Variants in SLC19A1 observed in about 807,000 individuals in gnomAD.
SLC19A1 encodes the protein reduced folate transporter.
SLC19A1 carries 37 observed loss-of-function variants against 35.3 expected under a neutral mutation model. That is an observed-to-expected ratio of 1.05 (90% CI 0.81 to 1.38). The LOEUF is 1.38. Ranked by LOEUF, SLC19A1 falls within the 40% of genes most tolerant of loss-of-function variation. The pLI is 0.00. For synonymous variants in SLC19A1, 460 were observed against 398.5 expected, an observed-to-expected ratio of 1.15 and a Z score of -1.84; for missense variants, 831 against 826.9, an observed-to-expected ratio of 1.00 and a Z score of -0.06.
At chr21:45,507,288 C>A in intron 3 of SLC19A1, 2 of 516,848 alleles carry the variant, frequency 3.9e-6, no homozygotes, top group Non-Finnish European at 6.9e-6. Flanking sequence ...ACTGGGAGGG[C>A]CGGGTGCTGG....
intron 4 of SLC19A1, among the ~76,000 whole-genome samples, chr21:45,528,552 C>G (rs765962043): frequency 3.3e-5 from 5 of 152,092 alleles, no homozygotes; most frequent in Non-Finnish European, 5.9e-5. Context: ...GGAGGAAGCC[C>G]GCATGCCGGC....
At chr21:45,557,213 A>G (rs1014086305) in intron 1 of SLC19A1, among the ~76,000 whole-genome samples, 16 of 152,238 alleles carry the variant, frequency 1.1e-4, no homozygotes, top group Non-Finnish European at 2.9e-5. Flanking sequence ...GGCAGCAGGA[A>G]GGGATTTGAG....
At position 45,526,027 on chromosome 21, in the gene SLC19A1, C is replaced by T. The variant is rs1026753451; in HGVS notation, c.1152-69G>A. 4 of 1,548,878 alleles carry T rather than the reference C, an allele frequency of 2.6e-6. 1 individual carries two copies. Among genetic ancestry groups the T allele is most frequent in the Middle Eastern group, 3.5e-4 (2 of 5,794 alleles). ...AGCAGCAGCCACAGGGAAAAGCCTG[C>T]AGCCCGGCTCCCACCAGCCCATGAC... On this transcript the variant is annotated intron_variant, in intron 4 of 5. Transcript: ENST00000311124.
rs1017062902 is a variant in SLC19A1 at position 45,540,738 on chromosome 21, C to T, written c.-50+1630G>A. Reference sequence around the variant, plus strand: ...AGTCCCATACAGCTTGAGGCCTCTTCCCGGCATCTGAAGGAAGTCCCCGAC... The same window carrying T: ...AGTCCCATACAGCTTGAGGCCTCTTTCCGGCATCTGAAGGAAGTCCCCGAC... On this transcript the variant is annotated intron_variant, in intron 1 of 5. Coordinates refer to ENST00000311124, the MANE Select transcript of SLC19A1 (RefSeq NM_194255.4). This position sits in a 1 kb window ranked among gnomAD's most constrained non-coding sequence, Gnocchi z 5.5. Among the ~76,000 whole-genome samples, 1 of 152,170 alleles carries T rather than the reference C, an allele frequency of 6.6e-6. No individual in the cohort carries two copies. The highest frequency in any genetic ancestry group is 2.4e-5 in the African/African-American group (1 of 41,444).
downstream of SLC19A1, among the ~76,000 whole-genome samples, chr21:45,509,169 C>T (rs955983667): frequency 3.3e-5 from 5 of 152,060 alleles, no homozygotes; most frequent in Admixed American, 6.5e-5. Context: ...TCCGGCGCCA[C>T]GGCAGGCAGG....
At chr21:45,558,540 C>T (rs1465057464) in intron 1 of SLC19A1, among the ~76,000 whole-genome samples, 1 of 152,184 alleles carries the variant, frequency 6.6e-6, no homozygotes, top group African/African-American at 2.4e-5. Flanking sequence ...GGTGTTTCTT[C>T]TTCGTATGTG....
chr21:45,543,288 C>T (rs1033443471), upstream of SLC19A1, among the ~76,000 whole-genome samples: 106 of 152,210 alleles, frequency 7.0e-4, 1 homozygote, highest in African/African-American at 2.0e-3. Context: ...GCCTCAGGGT[C>T]ACTTTCCCCT....
intron 5 of SLC19A1, among the ~76,000 whole-genome samples, chr21:45,519,246 C>A (rs1260372863): frequency 3.3e-5 from 5 of 151,806 alleles, no homozygotes. Flanking sequence ...TACAAGTAAC[C>A]CACTGGAAGC....
chr21:45,562,921 T>C (rs2078628231), exon 1 of SLC19A1, among the ~76,000 whole-genome samples: 1 of 152,064 alleles, frequency 6.6e-6, no homozygotes. Context: ...CAACAGTCCG[T>C]GGAAGATCCT....
At chr21:45,510,364 C>A, downstream of SLC19A1, 1 of 1,298,330 alleles carries the variant, frequency 7.7e-7, no homozygotes, top group Non-Finnish European at 1.1e-6. Context: ...TGGAGGCCAC[C>A]ATGTTACAGA....
chr21:45,504,600 T>A, intron 3 of SLC19A1: 1 of 1,537,782 alleles, frequency 6.5e-7, no homozygotes, highest in Non-Finnish European at 8.8e-7. Context: ...CCCAGGGGTC[T>A]GGGTGCAGGA....
intron 2 of SLC19A1, 52 bp downstream of exon 2, chr21:45,537,719 T>TGGGGGGGGCCCCCCCCCCCCCCC: frequency 3.1e-6 from 1 of 319,776 alleles, no homozygotes; most frequent in Non-Finnish European, 5.6e-6. Flanking sequence ...CAGACGCTGC[T>TGGGGGGGGCCCCCCCCCCCCCCC]CCCCGCCCAC....
intron 1 of SLC19A1, among the ~76,000 whole-genome samples, chr21:45,562,525 G>A (rs576267271): frequency 1.3e-5 from 2 of 152,332 alleles, no homozygotes; most frequent in African/African-American, 2.4e-5. Flanking sequence ...CGGCAGCGTG[G>A]TGCAGTGCTC....
Position 45,505,842 on chromosome 21 carries a change from G to C in SLC19A1, c.498-7230C>G, listed in dbSNP as rs767176091. 6.2e-6 allele frequency: 10 copies of C among 1,600,688 alleles called. No homozygotes were observed. In the South Asian group the frequency reaches 1.1e-4, roughly 18 times the overall value. On this transcript the variant is annotated intron_variant, in intron 3 of 4. Coordinates refer to the SLC19A1 transcript ENST00000417954. ...CTCTGCATTTGGTCCCAGCAGGTGA[G>C]GCTCTGGGCTACACGCCAGGCCATG...
chr21:45,526,163 C>T (rs537267651), intron 4 of SLC19A1, among the ~76,000 whole-genome samples: 2 of 152,302 alleles, frequency 1.3e-5, no homozygotes, highest in East Asian at 1.9e-4. Context: ...AGGCCACCCT[C>T]GAGGGGCCAT....
rs1568999871 is a variant in SLC19A1 at position 45,531,420 on chromosome 21, GT to G, written c.917del (p.Asn306ThrfsTer22). On this transcript the variant is annotated frameshift_variant, in exon 3 of 6. Transcript: ENST00000311124. LOFTEE classifies it high-confidence loss of function. ...DPTTNSARVY[N>X]GAADAASTLL... The stretch of plus-strand genomic sequence containing the variant: ...GCGTGGAGGCAGCATCTGCCGCGCC[GT>G]TGTAGACCCGCGCACTGTTGGTGGT... 6.2e-7 allele frequency: 1 copy of G among 1,603,686 alleles called. No homozygotes were observed. The highest frequency in any genetic ancestry group is 8.5e-7 in the Non-Finnish European group (1 of 1,174,772).
intron 5 of SLC19A1, among the ~76,000 whole-genome samples, chr21:45,523,430 G>A (rs1274618230): frequency 1.3e-5 from 2 of 152,148 alleles, no homozygotes; most frequent in Non-Finnish European, 2.9e-5. Context: ...CTCCCCCACA[G>A]CCTCCACGGC....
Position 45,515,582 on chromosome 21 carries a change from C to T in SLC19A1, c.*76G>A. 6.3e-7 allele frequency: 1 copy of T among 1,589,544 alleles called. No individual in the cohort carries two copies. Among genetic ancestry groups the T allele is most frequent in the Non-Finnish European group, 8.5e-7 (1 of 1,173,460 alleles). On this transcript the variant is annotated 3_prime_UTR_variant, in exon 6 of 6. Transcript: ENST00000311124. ...TAAGCGGAGGCCCCCATTGCTAAGG[C>T]AGGCGGCCCTCGAGGCAGGGGTCGT...
Position 45,514,877 on chromosome 21 carries a change from A to T in SLC19A1, c.*781T>A. On this transcript the variant is annotated 3_prime_UTR_variant, in exon 6 of 6. Transcript: ENST00000311124. ...CAGCCCCCCCAAGGCTGCCCAGCCC[A>T]GGCAAGCCTGGCACATACCAAGGCC... The T allele has an allele frequency of 1.0e-6, 1 of 958,888 alleles. No homozygotes were observed. The highest frequency in any genetic ancestry group is 1.5e-6 in the Non-Finnish European group (1 of 679,868). 59.4% of individuals were successfully genotyped at this position (958,888 alleles called of 1,614,324 possible).
Sources: gnomAD v4.1 joint callset for allele counts (sites outside exome capture counted in the v4.1 genomes callset) on GRCh38, gnomAD v4.1.1 for gene constraint, Gnocchi (gnomAD v3.1) non-coding constraint, MANE v1.5 for transcripts, NCBI Gene and HGNC (gene_info 2026-07-23, HGNC 2026-07-21) for gene names.